VWF: variants seen among roughly 807,000 people sequenced by gnomAD.
VWF encodes the protein von Willebrand factor.
Under a neutral mutation model 308.6 loss-of-function variants are expected in VWF, and 176 were observed. The observed-to-expected ratio is 0.57, with a 90% CI of 0.50 to 0.65. The LOEUF is 0.65. Ranked by LOEUF, VWF falls within the 30% of genes least tolerant of loss-of-function variation. The pLI, the probability that VWF is intolerant of heterozygous loss-of-function variation, is 0.00. For synonymous variants in VWF, 1,385 were observed against 1,443.4 expected, an observed-to-expected ratio of 0.96 and a Z score of 0.92; for missense variants, 3,146 against 3,648.2, an observed-to-expected ratio of 0.86 and a Z score of 3.55.
At chr12:6,100,275 C>T (rs1297705481) in intron 5 of VWF, among the ~76,000 whole-genome samples, 1 of 148,978 alleles carries the variant, frequency 6.7e-6, no homozygotes, top group Non-Finnish European at 1.5e-5. Flanking sequence ...GAAATAGGAA[C>T]ACTTTTACAC....
chr12:6,112,143 TA>T (rs1565394397), intron 3 of VWF, among the ~76,000 whole-genome samples: 1 of 151,986 alleles, frequency 6.6e-6, no homozygotes, highest in East Asian at 1.9e-4. Flanking sequence ...ATGGAATTAA[TA>T]AGGACACACT....
Position 5,981,849 on chromosome 12 carries a change from C to T in VWF, c.7224G>A (p.Gly2408=), listed in dbSNP as rs1004982471. Residue 2408 remains glycine, a synonymous_variant, in exon 42 of 52, where the codon GGG becomes GGA. Coordinates refer to ENST00000261405, the MANE Select transcript of VWF (RefSeq NM_000552.5). ...CATTGGTGGCAGTTGAGGCCAAGTA[C>T]CCAAGGGGACAGCTCACTGTGGAGT... ...CVNSTVSCPL[G]YLASTATNDC... is the part of the protein sequence containing the mutation. The T allele has an allele frequency of 6.2e-6, 10 of 1,614,042 alleles. No homozygotes were observed. The highest frequency in any genetic ancestry group is 2.2e-5 in the East Asian group (1 of 44,872).
In VWF at chr12:6,044,192, C is replaced by A. The variant is rs1009546840; in HGVS notation, c.2442+99G>T. 4.6e-5 allele frequency: 68 copies of A among 1,475,618 alleles called. No individual in the cohort carries two copies. In the Admixed American group the frequency reaches 1.3e-3, roughly 27 times the overall value. The allele number at this position is 1,475,618 out of a possible 1,614,324, so 91.4% of individuals were successfully genotyped here. ...CACCTCCATTGCTATCCGTGTTTAG[C>A]CCTTGTTTCTTCCTCTCTCTGGCTG... On this transcript the variant is annotated intron_variant, in intron 18 of 51. Transcript: ENST00000261405.
intron 6 of VWF, among the ~76,000 whole-genome samples, chr12:6,080,772 G>C (rs887345005): frequency 2.0e-5 from 3 of 152,190 alleles, no homozygotes; most frequent in African/African-American, 7.2e-5. Flanking sequence ...AGCTCTCCTT[G>C]AGTAGGTGTC....
intron 24 of VWF, 55 bp downstream of exon 24, chr12:6,025,525 A>AC: frequency 7.0e-7 from 1 of 1,421,050 alleles, no homozygotes. Context: ...CTGTGTCCAT[A>AC]CCACCAGGCC....
chr12:5,969,508 T>C lies in VWF; in HGVS notation c.7549-117A>G. On this transcript the variant is annotated intron_variant, in intron 44 of 51. Transcript: ENST00000261405. ...TCTAGACGTGAAGCCTGGCTTAACATGTAAGTCCCACCACAGGGTAGGGCC... is the reference window on the plus strand; with the variant it reads ...TCTAGACGTGAAGCCTGGCTTAACACGTAAGTCCCACCACAGGGTAGGGCC... 3.2e-6 allele frequency: 4 copies of C among 1,250,854 alleles called. No individual in the cohort carries two copies. The East Asian group carries it at 7.2e-5, about 22-fold the overall frequency. 77.5% of individuals were successfully genotyped at this position (1,250,854 alleles called of 1,614,324 possible).
At chr12:6,084,802 C>T (rs1456885961) in intron 6 of VWF, among the ~76,000 whole-genome samples, 2 of 152,104 alleles carry the variant, frequency 1.3e-5, no homozygotes, top group Non-Finnish European at 2.9e-5. Flanking sequence ...GTCTGAGCTG[C>T]TCCAAAGTAG....
rs1369140433 is a variant in VWF at position 6,103,413 on chromosome 12, C to T, written c.532+6961G>A. 3.4e-5 allele frequency among the ~76,000 whole-genome samples: 4 copies of T among 116,744 alleles called. 1 individual carries two copies. The highest frequency in any genetic ancestry group is 2.2e-4 in the South Asian group (1 of 4,446). 76.6% of individuals were successfully genotyped at this position (116,744 alleles called of 152,430 possible). ...GTGTGTATACACGTGTGTGTATACA[C>T]ACGTGTGTGTATACACACGTGTGTA... On this transcript the variant is annotated intron_variant, in intron 5 of 51. Transcript: ENST00000261405.
intron 46 of VWF, among the ~76,000 whole-genome samples, chr12:5,967,815 C>A (rs1312958282): frequency 1.3e-5 from 2 of 152,156 alleles, no homozygotes; most frequent in African/African-American, 2.4e-5. Flanking sequence ...AAGAGGCAGC[C>A]CAGGTAGTGG....
chr12:5,996,452 C>T (rs182428491), intron 34 of VWF, among the ~76,000 whole-genome samples: 26 of 152,222 alleles, frequency 1.7e-4, no homozygotes, highest in Non-Finnish European at 3.2e-4. Context: ...AAATATTTTC[C>T]TGTTACATAA....
At chr12:6,043,662 T>C (rs187724748) in intron 18 of VWF, among the ~76,000 whole-genome samples, 2 of 152,288 alleles carry the variant, frequency 1.3e-5, no homozygotes, top group Admixed American at 1.3e-4. Context: ...AACATCCACA[T>C]AGGAGCCAGG....
chr12:6,052,595 C>T lies in VWF; in HGVS notation c.2134G>A (p.Asp712Asn), dbSNP rs372280803. The T allele has an allele frequency of 3.7e-6, 6 of 1,614,258 alleles. No individual in the cohort carries two copies. The highest frequency in any genetic ancestry group is 5.1e-6 in the Non-Finnish European group (6 of 1,180,048). Residue 712 changes from aspartate (D) to asparagine (N), a missense_variant, in exon 16 of 52, where the codon GAC (aspartate) becomes AAC (asparagine). Coordinates refer to ENST00000261405, the MANE Select transcript of VWF (RefSeq NM_000552.5). ...TCTTCTGGCTGGAAGATCTCACCGT[C>T]ATAGTAACAGGGGCACTGGGCCTTG... ...VPKAQCPCYY[D>N]GEIFQPEDIF...
chr12:6,121,230 C>T lies in VWF; in HGVS notation c.164G>A (p.Gly55Glu). Residue 55 changes from glycine to glutamate, a missense_variant, in exon 3 of 52, where the codon GGA (glycine) becomes GAA (glutamate). Gly to Glu is a moderately conservative substitution (Grantham distance 98, BLOSUM62 -2). Transcript: ENST00000261405. ...CCCTGCCAGGAGGTAACTGCAGTAT[C>T]CCGCAAAGCTGTACATGCTCCCATC... ...TFDGSMYSFAGYCSYLLAGGC... is the reference protein window; with the variant it reads ...TFDGSMYSFAEYCSYLLAGGC... 1 of 1,614,224 alleles carries T rather than the reference C, an allele frequency of 6.2e-7. No homozygotes were observed. Among genetic ancestry groups the T allele is most frequent in the East Asian group, 2.2e-5 (1 of 44,886 alleles).
intron 44 of VWF, among the ~76,000 whole-genome samples, chr12:5,969,706 G>A (rs571220471): frequency 1.1e-4 from 17 of 152,364 alleles, no homozygotes; most frequent in African/African-American, 2.9e-4. Flanking sequence ...AAGCAGCACT[G>A]TGGGCCATCA....
chr12:6,099,268 C>G (rs958816101), intron 5 of VWF, among the ~76,000 whole-genome samples: 1 of 149,140 alleles, frequency 6.7e-6, no homozygotes, highest in Non-Finnish European at 1.5e-5. Flanking sequence ...GCAGTGAGCC[C>G]CGATCGCGCC....
At position 6,023,772 on chromosome 12, in the gene VWF, A is replaced by G; in HGVS notation, c.3238T>C (p.Tyr1080His). 1 of 1,612,504 alleles carries G rather than the reference A, an allele frequency of 6.2e-7. No homozygotes were observed. Among genetic ancestry groups the G allele is most frequent in the Non-Finnish European group, 8.5e-7 (1 of 1,179,912 alleles). ...GTGTCGTAAATGCAGACATCCAGAT[A>G]TGGCTCGGGGTCCACCTGCAAAGGC... ...DCNKLVDPEP[Y>H]LDVCIYDTCS... is the part of the protein sequence containing the mutation. Residue 1080 changes from tyrosine (Y) to histidine (H), a missense_variant, in exon 25 of 52, where the codon TAT (tyrosine) becomes CAT (histidine). This residue lies in a region of VWF where 853 missense variants were observed against 1,177.8 expected (regional missense o/e 0.72). Transcript: ENST00000261405.
intron 20 of VWF, among the ~76,000 whole-genome samples, chr12:6,033,193 G>A (rs77680222): frequency 0.24 from 37,042 of 152,104 alleles, 4,750 homozygotes; most frequent in African/African-American, 0.29. Flanking sequence ...CAAGGGTGTA[G>A]GTGTTTTATT....
chr12:6,066,160 C>A (rs1236611307), intron 10 of VWF, among the ~76,000 whole-genome samples: 2 of 152,162 alleles, frequency 1.3e-5, no homozygotes, highest in East Asian at 3.9e-4. Context: ...GCCTAGGCCC[C>A]ATACTTGTGG....
chr12:6,009,807 G>A (rs1943971060), intron 34 of VWF, among the ~76,000 whole-genome samples: 1 of 152,166 alleles, frequency 6.6e-6, no homozygotes. Flanking sequence ...TTAGAAAGAA[G>A]GAAATCCTTT....
Sources: gnomAD v4.1 joint callset for allele counts (sites outside exome capture counted in the v4.1 genomes callset) on GRCh38, gnomAD v4.1.1 for gene constraint, gnomAD v4.1.1 regional missense constraint, MANE v1.5 for transcripts, NCBI Gene and HGNC (gene_info 2026-07-23, HGNC 2026-07-21) for gene names.